IQCK: variants seen among roughly 807,000 people sequenced by gnomAD.
The protein encoded by IQCK is IQ motif containing K, also known as IQ domain-containing protein K.
IQCK carries 29 observed loss-of-function variants against 28.1 expected under a neutral mutation model. The observed-to-expected ratio is 1.03, with a 90% CI of 0.77 to 1.41. The LOEUF is 1.41. Ranked by LOEUF, IQCK falls within the 40% of genes most tolerant of loss-of-function variation. The probability of loss-of-function intolerance (pLI) is 0.00; values close to 1 mark genes in which losing one functional copy is unlikely to be tolerated. For synonymous variants in IQCK, 113 were observed against 115.1 expected, an observed-to-expected ratio of 0.98 and a Z score of 0.12; for missense variants, 359 against 314.7, an observed-to-expected ratio of 1.14 and a Z score of -1.07.
chr16:19,817,282 A>G (rs150924499), intron 7 of IQCK, among the ~76,000 whole-genome samples: 16 of 152,328 alleles, frequency 1.1e-4, no homozygotes, highest in African/African-American at 3.8e-4. Flanking sequence ...ATTAAACTGC[A>G]TTCCATGGTA....
At chr16:19,849,631 G>A (rs1446552799) in intron 9 of IQCK, among the ~76,000 whole-genome samples, 1 of 151,722 alleles carries the variant, frequency 6.6e-6, no homozygotes, top group East Asian at 1.9e-4. Flanking sequence ...GCATGGTGGT[G>A]CACACCTGTA....
chr16:19,727,845 C>T (rs1216000210), intron 1 of IQCK, among the ~76,000 whole-genome samples: 1 of 152,052 alleles, frequency 6.6e-6, no homozygotes, highest in African/African-American at 2.4e-5. Flanking sequence ...AATTTACATG[C>T]TTGCCAGAGA....
intron 7 of IQCK, among the ~76,000 whole-genome samples, chr16:19,814,590 C>T (rs1220352816): frequency 2.6e-5 from 4 of 151,972 alleles, no homozygotes; most frequent in African/African-American, 9.7e-5. Flanking sequence ...GAAGTTTTCT[C>T]TGATTTTCAG....
chr16:19,852,687 A>T (rs1393140210), intron 9 of IQCK, among the ~76,000 whole-genome samples: 2 of 139,208 alleles, frequency 1.4e-5, no homozygotes, highest in Admixed American at 1.6e-4. Context: ...CAGTGACGCG[A>T]TCTTGGCTTA....
At position 19,825,760 on chromosome 16, in the gene IQCK, A is replaced by C. The variant is rs1204866103; in HGVS notation, c.691-1266A>C. On this transcript the variant is annotated intron_variant, in intron 7 of 7. Coordinates refer to ENST00000564186, the Ensembl canonical transcript of IQCK. The surrounding 1 kb of genome is among the most constrained non-coding windows in gnomAD (Gnocchi z 4.2). ...AGCTATAATAAAAATAAAAATAATT[A>C]TTGTTGAAATTACTATTATTCATCT... Among the ~76,000 whole-genome samples the C allele has an allele frequency of 6.6e-6, 1 of 152,242 alleles. No individual in the cohort carries two copies. Among genetic ancestry groups the C allele is most frequent in the Non-Finnish European group, 1.5e-5 (1 of 68,038 alleles).
chr16:19,819,207 A>C (rs2056030581), intron 7 of IQCK, among the ~76,000 whole-genome samples: 1 of 152,122 alleles, frequency 6.6e-6, no homozygotes, highest in Non-Finnish European at 1.5e-5. Context: ...CAAATTCCAC[A>C]GGGGGCTGGG....
intron 4 of IQCK, among the ~76,000 whole-genome samples, chr16:19,757,225 A>C (rs1474375179): frequency 1.3e-5 from 2 of 152,190 alleles, no homozygotes; most frequent in Non-Finnish European, 2.9e-5. Context: ...TGACTTTTCT[A>C]GGTGGAATTA....
chr16:19,751,053 G>C (rs2054979905), intron 4 of IQCK, among the ~76,000 whole-genome samples: 1 of 151,990 alleles, frequency 6.6e-6, no homozygotes, highest in Non-Finnish European at 1.5e-5. Flanking sequence ...TGTGCCCCTA[G>C]GAAGTCTCCT....
intron 9 of IQCK, among the ~76,000 whole-genome samples, chr16:19,840,364 A>G (rs2056351179): frequency 6.6e-6 from 1 of 152,172 alleles, no homozygotes; most frequent in Non-Finnish European, 1.5e-5. Context: ...TCAAAAAATA[A>G]TAATAAAGAA....
At chr16:19,724,545 T>G (rs1303248859) in intron 1 of IQCK, among the ~76,000 whole-genome samples, 2 of 152,126 alleles carry the variant, frequency 1.3e-5, no homozygotes, top group African/African-American at 4.8e-5. Flanking sequence ...TTTTTTGTTT[T>G]TGAGTCAGAG....
chr16:19,727,296 A>G (rs1219604218), intron 1 of IQCK, among the ~76,000 whole-genome samples: 2 of 152,130 alleles, frequency 1.3e-5, no homozygotes, highest in African/African-American at 4.8e-5. Context: ...AAACAAATGT[A>G]TTATGTATTA....
chr16:19,749,775 A>G (rs984933975), intron 4 of IQCK, among the ~76,000 whole-genome samples: 2 of 151,952 alleles, frequency 1.3e-5, no homozygotes, highest in African/African-American at 4.8e-5. Flanking sequence ...AAAAAGGAAA[A>G]AAAAAAAAGA....
At chr16:19,779,711 T>A (rs1016402305) in intron 6 of IQCK, among the ~76,000 whole-genome samples, 10 of 151,208 alleles carry the variant, frequency 6.6e-5, no homozygotes, top group African/African-American at 9.7e-5. Context: ...TATTTATTTA[T>A]TTTATTTATT....
chr16:19,823,810 G>A (rs1346332223), intron 7 of IQCK, among the ~76,000 whole-genome samples: 1 of 152,158 alleles, frequency 6.6e-6, no homozygotes, highest in Non-Finnish European at 1.5e-5. Context: ...GTGCATGCCT[G>A]TAATCCCAGC....
intron 6 of IQCK, among the ~76,000 whole-genome samples, chr16:19,779,883 A>T (rs1168080370): frequency 6.6e-6 from 1 of 150,758 alleles, no homozygotes; most frequent in Non-Finnish European, 1.5e-5. Context: ...ACGCCTGGCT[A>T]ATTTTTTGTA....
At chr16:19,740,723 C>G in intron 4 of IQCK, among the ~76,000 whole-genome samples, 1 of 152,032 alleles carries the variant, frequency 6.6e-6, no homozygotes, top group East Asian at 1.9e-4. Flanking sequence ...GTAATGCCAG[C>G]CCTTTGGGAG....
chr16:19,735,059 C>T (rs1567535912), intron 3 of IQCK, among the ~76,000 whole-genome samples: 1 of 152,108 alleles, frequency 6.6e-6, no homozygotes, highest in Non-Finnish European at 1.5e-5. Context: ...TTGTTTTTGT[C>T]CCTCCGGCCA....
intron 4 of IQCK, among the ~76,000 whole-genome samples, chr16:19,746,125 G>T (rs1472099784): frequency 6.9e-6 from 1 of 144,148 alleles, no homozygotes; most frequent in African/African-American, 2.6e-5. Flanking sequence ...CAGAGATCCA[G>T]CTTGGGGGAC....
At chr16:19,801,295 TCTCTCTC>T (rs1465244149) in intron 7 of IQCK, among the ~76,000 whole-genome samples, 31 of 109,806 alleles carry the variant, frequency 2.8e-4, no homozygotes, top group African/African-American at 2.3e-3. Flanking sequence ...TCTCTCTCTC[TCTCTCTC>T]TTTTTTTTTT....
Sources: gnomAD v4.1 joint callset for allele counts (sites outside exome capture counted in the v4.1 genomes callset) on GRCh38, gnomAD v4.1.1 for gene constraint, Gnocchi (gnomAD v3.1) non-coding constraint, MANE v1.5 for transcripts, NCBI Gene and HGNC (gene_info 2026-07-23, HGNC 2026-07-21) for gene names.